The following TAFA4 variants were observed in gnomAD, a reference collection of about 807,000 sequenced individuals.
TAFA4 encodes TAFA chemokine like family member 4, also known as chemokine-like protein TAFA-4.
In TAFA4, 20 loss-of-function variants were observed where a neutral mutation model predicts 21.1. The observed-to-expected ratio is 0.95, with a 90% confidence interval of 0.67 to 1.38. TAFA4 has a LOEUF of 1.38. TAFA4 is among the 40% of genes most tolerant of loss of function. The pLI, the probability that TAFA4 is intolerant of heterozygous loss-of-function variation, is 0.00. For missense variants in TAFA4, 211 were observed against 180.9 expected (o/e 1.17, Z -0.95); for synonymous variants, 71 against 67.4 (o/e 1.05, Z -0.26).
intron 4 of TAFA4, among the ~76,000 whole-genome samples, chr3:68,749,123 T>C (rs1041875771): frequency 6.6e-6 from 1 of 152,210 alleles, no homozygotes; most frequent in African/African-American, 2.4e-5. Flanking sequence ...ATCCCCAATG[T>C]ATATTAAAGA....
At chr3:68,773,706 C>T (rs1372277405) in intron 3 of TAFA4, among the ~76,000 whole-genome samples, 5 of 152,086 alleles carry the variant, frequency 3.3e-5, no homozygotes, top group African/African-American at 1.2e-4. Flanking sequence ...AGGAACCAGA[C>T]ACATTATTTA....
intron 3 of TAFA4, among the ~76,000 whole-genome samples, chr3:68,819,514 A>G (rs11920741): frequency 0.69 from 104,403 of 151,914 alleles, 36,411 homozygotes; most frequent in East Asian, 0.98. Flanking sequence ...ATTGTTCTGA[A>G]GGAAGAGACA....
At chr3:68,856,472 T>C (rs1209491925) in intron 3 of TAFA4, among the ~76,000 whole-genome samples, 2 of 152,082 alleles carry the variant, frequency 1.3e-5, no homozygotes, top group Non-Finnish European at 2.9e-5. Flanking sequence ...TATTCCCTCT[T>C]AGAAAAGACT....
intron 4 of TAFA4, among the ~76,000 whole-genome samples, chr3:68,746,178 GC>G (rs1702455025): frequency 6.6e-6 from 1 of 152,104 alleles, no homozygotes; most frequent in South Asian, 2.1e-4. Flanking sequence ...TCAGCCATGG[GC>G]TGAAGGCTGC....
At chr3:68,823,760 C>A (rs999504069) in intron 3 of TAFA4, among the ~76,000 whole-genome samples, 1 of 152,142 alleles carries the variant, frequency 6.6e-6, no homozygotes, top group Non-Finnish European at 1.5e-5. Context: ...GCTTCATTCA[C>A]GTCCCTACAA....
chr3:68,846,714 C>G (rs1023049226), intron 3 of TAFA4, among the ~76,000 whole-genome samples: 1 of 152,110 alleles, frequency 6.6e-6, no homozygotes, highest in Non-Finnish European at 1.5e-5. Context: ...GTGTGGATGT[C>G]CTTTTTGTTG....
chr3:68,919,448 C>T (rs1444872888), intron 1 of TAFA4, among the ~76,000 whole-genome samples: 1 of 152,204 alleles, frequency 6.6e-6, no homozygotes, highest in Admixed American at 6.5e-5. Flanking sequence ...CTCCATGAGT[C>T]ACTCTCTAAA....
At chr3:68,843,382 C>T (rs1204913273) in intron 3 of TAFA4, among the ~76,000 whole-genome samples, 3 of 152,144 alleles carry the variant, frequency 2.0e-5, no homozygotes, top group Non-Finnish European at 4.4e-5. Context: ...ATTTTGTATC[C>T]TCAGACTTTA....
chr3:68,750,250 T>G (rs1702535787), intron 4 of TAFA4, among the ~76,000 whole-genome samples: 1 of 152,144 alleles, frequency 6.6e-6, no homozygotes, highest in Admixed American at 6.5e-5. Flanking sequence ...TGAGTTATGA[T>G]CATGCCACTG....
intron 1 of TAFA4, among the ~76,000 whole-genome samples, chr3:68,896,449 G>A (rs936721555): frequency 2.6e-5 from 4 of 152,126 alleles, no homozygotes; most frequent in East Asian, 1.9e-4. Flanking sequence ...AAGTAGCACC[G>A]AGCACACAAC....
chr3:68,788,972 G>C (rs956582601), intron 3 of TAFA4, among the ~76,000 whole-genome samples: 1 of 152,032 alleles, frequency 6.6e-6, no homozygotes, highest in African/African-American at 2.4e-5. Context: ...GGTGGCTCAC[G>C]CCTGTAATCC....
intron 1 of TAFA4, among the ~76,000 whole-genome samples, chr3:68,927,279 C>T (rs1028727057): frequency 5.9e-5 from 9 of 152,018 alleles, no homozygotes; most frequent in African/African-American, 2.2e-4. Flanking sequence ...TTTCATCACA[C>T]TAGAGAAAAA....
At chr3:68,873,843 T>C (rs2106940891) in intron 3 of TAFA4, among the ~76,000 whole-genome samples, 1 of 152,296 alleles carries the variant, frequency 6.6e-6, no homozygotes. Context: ...CTTGACTCCT[T>C]TATGCACAAC....
intron 4 of TAFA4, 63 bp downstream of exon 4, chr3:68,752,800 G>A: frequency 1.9e-6 from 3 of 1,606,862 alleles, no homozygotes; most frequent in Non-Finnish European, 2.6e-6. Context: ...AGTAAAGTAG[G>A]GAAATTCCTG....
chr3:68,824,421 A>G (rs1348245043), intron 3 of TAFA4, among the ~76,000 whole-genome samples: 1 of 151,718 alleles, frequency 6.6e-6, no homozygotes, highest in Non-Finnish European at 1.5e-5. Flanking sequence ...GTAAAAGTAC[A>G]TCACTCCGAC....
In TAFA4 at chr3:68,733,218, C is replaced by T. The variant is rs544125621; in HGVS notation, c.412-65G>A. ...ACCCACCGAAATAACCATTCCTGCCCCCGAGACCAATAAGGTCCTGACTGT... is the reference window on the plus strand; with the variant it reads ...ACCCACCGAAATAACCATTCCTGCCTCCGAGACCAATAAGGTCCTGACTGT... On this transcript the variant is annotated intron_variant, in intron 5 of 5. Transcript: ENST00000295569. 2.5e-6 allele frequency: 4 copies of T among 1,579,454 alleles called. No individual in the cohort carries two copies. The South Asian group carries it at 4.6e-5, about 18-fold the overall frequency.
chr3:68,737,342 A>T (rs1348748423), intron 5 of TAFA4, among the ~76,000 whole-genome samples: 1 of 152,128 alleles, frequency 6.6e-6, no homozygotes, highest in Non-Finnish European at 1.5e-5. Context: ...TATAGCATGG[A>T]AATTTATTGG....
In TAFA4 at chr3:68,783,713, A is replaced by AAAAGAAAGAAAGAAAGAAAG. The variant is rs60548305; in HGVS notation, c.131-30715_131-30696dup. On this transcript the variant is annotated intron_variant, in intron 3 of 5. Transcript: ENST00000295569. ...AGAGAGAGAGAGAGAGAGAGAAAGAAAAAGAAAGAAAGAAAGAAAGAAAGA... is the reference window on the plus strand; with the variant it reads ...AGAGAGAGAGAGAGAGAGAGAAAGAAAAAGAAAGAAAGAAAGAAAGAAAGAAAGAAAGAAAGAAAGAAAGA... 8.5e-4 allele frequency among the ~76,000 whole-genome samples: 69 copies of AAAAGAAAGAAAGAAAGAAAG among 80,790 alleles called. 3 individuals carry two copies. Among genetic ancestry groups the AAAAGAAAGAAAGAAAGAAAG allele is most frequent in the African/African-American group, 1.1e-3 (20 of 18,514 alleles). The allele number at this position is 80,790 out of a possible 152,430, so 53.0% of individuals were successfully genotyped here.
At chr3:68,754,952 C>A (rs1043032017) in intron 3 of TAFA4, among the ~76,000 whole-genome samples, 3 of 152,156 alleles carry the variant, frequency 2.0e-5, no homozygotes, top group African/African-American at 7.2e-5. Flanking sequence ...ATTTTCCCTG[C>A]CCCCGTAATT....
Sources: gnomAD v4.1 joint callset for allele counts (sites outside exome capture counted in the v4.1 genomes callset) on GRCh38, gnomAD v4.1.1 for gene constraint, MANE v1.5 for transcripts, NCBI Gene and HGNC (gene_info 2026-07-23, HGNC 2026-07-21) for gene names.